Variants in CKM observed in about 807,000 individuals in gnomAD.
CKM encodes the protein creatine kinase M-type.
Under a neutral mutation model 35.4 loss-of-function variants are expected in CKM, and 28 were observed. That is an observed-to-expected ratio of 0.79 (90% CI 0.59 to 1.08). CKM has a LOEUF of 1.08. Ranked by LOEUF, CKM falls within the 50% of genes least tolerant of loss-of-function variation. CKM has a pLI of 0.00. For synonymous variants in CKM, 215 were observed against 204.4 expected (o/e 1.05, Z -0.44); for missense variants, 484 against 509.8 (o/e 0.95, Z 0.49).
intron 3 of CKM, among the ~76,000 whole-genome samples, chr19:45,316,329 C>CG (rs1971157805): frequency 8.3e-6 from 1 of 121,034 alleles, no homozygotes; most frequent in Non-Finnish European, 1.7e-5. Flanking sequence ...GATTCTGTCT[C>CG]AAAAAAAAAA....
Position 45,306,658 on chromosome 19 carries a change from G to C in CKM, c.*92C>G. On this transcript the variant is annotated 3_prime_UTR_variant, in exon 8 of 8. Transcript: ENST00000221476. This position sits in a 1 kb window ranked among gnomAD's most constrained non-coding sequence, Gnocchi z 4.5. ...GCCCCCAGGTGGGACTCTGGGACAG[G>C]GGGCGGGGCGAGGAGTGAGGGAGCA... is the stretch of plus-strand genomic sequence containing the variant. 2 of 1,378,178 alleles carry C rather than the reference G, an allele frequency of 1.5e-6. No individual in the cohort carries two copies. The highest frequency in any genetic ancestry group is 2.0e-6 in the Non-Finnish European group (2 of 975,904). 85.4% of individuals were successfully genotyped at this position (1,378,178 alleles called of 1,614,324 possible). A position where few individuals can be genotyped will look rare whatever the true frequency, so the allele number is the denominator to read the frequency against.
Position 45,317,953 on chromosome 19 carries a change from A to G in CKM, c.220T>C (p.Cys74Arg). 6.2e-7 allele frequency: 1 copy of G among 1,613,900 alleles called. No homozygotes were observed. The highest frequency in any genetic ancestry group is 8.5e-7 in the Non-Finnish European group (1 of 1,179,960). The change falls in exon 3 of 8, where the codon TGC becomes CGC. Residue 74 changes from cysteine to arginine, a missense_variant. By Grantham distance (180) the Cys-to-Arg change is radical. Transcript: ENST00000221476. ...TAGGACTCCTCATCACCAGCCACGC[A>G]GCCCACGGTCATGATGAAGGGGTGA... ...PGHPFIMTVG[C>R]VAGDEESYEV...
intron 4 of CKM, among the ~76,000 whole-genome samples, chr19:45,315,104 T>C (rs1835047939): frequency 6.6e-6 from 1 of 152,152 alleles, no homozygotes. Flanking sequence ...TGTGGGTTTC[T>C]GTATTTCCTC....
chr19:45,312,744 A>G (rs1273575430), intron 4 of CKM, among the ~76,000 whole-genome samples: 3 of 152,120 alleles, frequency 2.0e-5, no homozygotes, highest in Non-Finnish European at 4.4e-5. Flanking sequence ...ACTTGAGGTC[A>G]GGATTTTGAG....
At position 45,310,344 on chromosome 19, in the gene CKM, T is replaced by A. The variant is rs189744222; in HGVS notation, c.653+1405A>T. ...ACCATGTTAGCCAGGATGGTCTCGA[T>A]CTCCTGACCTCGTGATCCGCCCGCC... On this transcript the variant is annotated intron_variant, in intron 5 of 7. Coordinates refer to ENST00000221476, the MANE Select transcript of CKM (RefSeq NM_001824.5). Among the ~76,000 whole-genome samples, 75 of 151,760 alleles carry A rather than the reference T, an allele frequency of 4.9e-4. 1 individual carries two copies. In the East Asian group the frequency reaches 0.014, roughly 28 times the overall value.
chr19:45,319,753 G>A (rs1221807884), intron 1 of CKM, 22 bp from the exon 2 acceptor site: 1 of 1,562,214 alleles, frequency 6.4e-7, no homozygotes. Flanking sequence ...GGCAGGAGGG[G>A]AAGATTGAAG....
At chr19:45,314,027 A>C (rs1335313370) in intron 4 of CKM, among the ~76,000 whole-genome samples, 1 of 151,468 alleles carries the variant, frequency 6.6e-6, no homozygotes, top group Non-Finnish European at 1.5e-5. Flanking sequence ...CCTGTCTTGA[A>C]AAGAGAGAGA....
chr19:45,308,759 T>A (rs1453537937), intron 5 of CKM, among the ~76,000 whole-genome samples: 2 of 152,142 alleles, frequency 1.3e-5, no homozygotes, highest in South Asian at 2.1e-4. Flanking sequence ...GGGACTTAAG[T>A]CTTTGAACAG....
At position 45,307,624 on chromosome 19, in the gene CKM, G is replaced by A. The variant is rs1383545044; in HGVS notation, c.804C>T (p.Gly268=). 2 of 1,613,914 alleles carry A rather than the reference G, an allele frequency of 1.2e-6. No homozygotes were observed. Among genetic ancestry groups the A allele is most frequent in the East Asian group, 2.2e-5 (1 of 44,894 alleles). ...GGTGCTGGTTCCACATGAAGGGGTGGCCAGCTTTCTTAAAGATCTCCTCAA... is the reference window on the plus strand; with the variant it reads ...GGTGCTGGTTCCACATGAAGGGGTGACCAGCTTTCTTAAAGATCTCCTCAA... ...QKIEEIFKKA[G]HPFMWNQHLG... Residue 268 remains glycine (G), a synonymous_variant, in exon 7 of 8, where the codon GGC becomes GGT. Coordinates refer to ENST00000221476, the MANE Select transcript of CKM (RefSeq NM_001824.5).
chr19:45,307,441 A>G lies in CKM; in HGVS notation c.967+20T>C. The G allele has an allele frequency of 6.2e-7, 1 of 1,612,446 alleles. No homozygotes were observed. The highest frequency in any genetic ancestry group is 8.5e-7 in the Non-Finnish European group (1 of 1,178,918). ...CCTCGCTCCCCCTCCGTCGTGGTGC[A>G]AAGGATGTGGGAGCCGTACCTGTAC... On this transcript the variant is annotated intron_variant, in intron 7 of 7. Transcript: ENST00000221476.
Position 45,319,724 on chromosome 19 carries a change from T to C in CKM, c.-11A>G. ...GTTACCGAATGGCATGGTGGCGGTG[T>C]AGGAGACCTGATGGGCAGGGCAGGA... On this transcript the variant is annotated 5_prime_UTR_variant, in exon 2 of 8. Transcript: ENST00000221476. The C allele has an allele frequency of 6.2e-7, 1 of 1,613,890 alleles. No individual in the cohort carries two copies. Among genetic ancestry groups the C allele is most frequent in the Non-Finnish European group, 8.5e-7 (1 of 1,179,846 alleles).
At chr19:45,319,428 C>CT (rs1339451954) in intron 2 of CKM, 93 bp downstream of exon 2, 2 of 983,986 alleles carry the variant, frequency 2.0e-6, no homozygotes, top group Non-Finnish European at 3.2e-6. Flanking sequence ...AAACTGAGGC[C>CT]CCCCCCCCTT....
At chr19:45,315,849 C>CTTTTTTTTTTTTTTTTTTTT (rs376961493) in intron 3 of CKM, among the ~76,000 whole-genome samples, 5 of 135,614 alleles carry the variant, frequency 3.7e-5, no homozygotes, top group African/African-American at 2.6e-5. Context: ...ATTTCTTTTC[C>CTTTTTTTTTTTTTTTTTTTT]TTTTTTTTCT....
chr19:45,308,407 AC>A lies in CKM; in HGVS notation c.777+1del, dbSNP rs774209751. 6.2e-7 allele frequency: 1 copy of A among 1,614,124 alleles called. No individual in the cohort carries two copies. The highest frequency in any genetic ancestry group is 2.2e-5 in the East Asian group (1 of 44,874). On this transcript the variant is annotated splice_donor_variant, in intron 6 of 7. Transcript: ENST00000221476. LOFTEE classifies it high-confidence loss of function. The stretch of plus-strand genomic sequence containing the variant: ...AGTCAGCAGCTAAGGGCAGACACCC[AC>A]CTTCTGCAGCCCTACGCAGAAGCGG...
chr19:45,307,747 G>A (rs1971068016), intron 6 of CKM, 97 bp from the exon 7 acceptor site: 8 of 956,498 alleles, frequency 8.4e-6, no homozygotes, highest in Non-Finnish European at 1.3e-5. Context: ...GCGTGGGAAC[G>A]TGGTGGAGGT....
chr19:45,320,923 C>T (rs1376465332), intron 1 of CKM, among the ~76,000 whole-genome samples: 1 of 118,400 alleles, frequency 8.4e-6, no homozygotes, highest in Non-Finnish European at 1.8e-5. Flanking sequence ...ATGTTTGAGA[C>T]AGAGTCTCGC....
intron 3 of CKM, among the ~76,000 whole-genome samples, chr19:45,317,278 A>G (rs1300787869): frequency 1.3e-5 from 2 of 148,436 alleles, no homozygotes; most frequent in African/African-American, 5.0e-5. Flanking sequence ...CAGCTAATTT[A>G]TTTTATTTAT....
Position 45,308,517 on chromosome 19 carries a change from CTTG to C in CKM, c.666_668del (p.Asn222del), listed in dbSNP as rs761572512. ...CCTCGTTCACCCACACCAGGAAGCT[CTTG>C]TTGTCATTGTGCCTAGAGTAAGGTG... is the stretch of plus-strand genomic sequence containing the variant. On this transcript the variant is annotated inframe_deletion, in exon 6 of 8. Coordinates refer to ENST00000221476, the MANE Select transcript of CKM (RefSeq NM_001824.5). The C allele has an allele frequency of 2.5e-5, 41 of 1,614,064 alleles. No homozygotes were observed. Among genetic ancestry groups the C allele is most frequent in the Middle Eastern group, 1.6e-4 (1 of 6,062 alleles).
Position 45,309,660 on chromosome 19 carries a change from G to A in CKM, c.654-1128C>T, listed in dbSNP as rs192559160. Among the ~76,000 whole-genome samples the A allele has an allele frequency of 3.0e-3, 452 of 151,872 alleles. 1 individual carries two copies. Among genetic ancestry groups the A allele is most frequent in the Non-Finnish European group, 5.1e-3 (348 of 67,968 alleles). ...GCGGATCACTTAAGGTGAAGAGTTC[G>A]AGACCAGCCTGAGCAACATGGCAGA... is the stretch of plus-strand genomic sequence containing the variant. On this transcript the variant is annotated intron_variant, in intron 5 of 7. Transcript: ENST00000221476.
Sources: allele counts gnomAD v4.1 joint callset (sites outside exome capture counted in the v4.1 genomes callset), GRCh38; gene constraint gnomAD v4.1.1; non-coding constraint Gnocchi (gnomAD v3.1); transcripts MANE v1.5; gene names NCBI Gene and HGNC (gene_info 2026-07-23, HGNC 2026-07-21).